The following EYS variants were observed in gnomAD, a reference collection of about 807,000 sequenced individuals.
EYS encodes the protein protein eyes shut homolog.
EYS carries 250 observed loss-of-function variants against 282.1 expected under a neutral mutation model. The observed-to-expected ratio is 0.89, with a 90% CI of 0.80 to 0.98. The LOEUF (loss-of-function observed/expected upper bound fraction) is 0.98, where lower values mean the gene tolerates loss of function less well. EYS is among the 50% of genes least tolerant of loss of function. The probability of loss-of-function intolerance (pLI) is 0.00; values close to 1 mark genes in which losing one functional copy is unlikely to be tolerated. For missense variants in EYS, 4,016 were observed against 3,709.0 expected (o/e 1.08, Z -2.15); for synonymous variants, 1,355 against 1,282.9 (o/e 1.06, Z -1.20).
intron 2 of EYS, among the ~76,000 whole-genome samples, chr6:65,561,237 G>A (rs562463428): frequency 2.6e-5 from 4 of 152,234 alleles, no homozygotes; most frequent in African/African-American, 7.2e-5. Context: ...AAAACTCCAT[G>A]TTGGATATTT....
intron 30 of EYS, among the ~76,000 whole-genome samples, chr6:64,265,410 C>T (rs1247830178): frequency 6.6e-6 from 1 of 152,078 alleles, no homozygotes; most frequent in Non-Finnish European, 1.5e-5. Context: ...TTGGTGAAAG[C>T]TGTATGAAAT....
Position 64,875,574 on chromosome 6 carries a change from A to G in EYS, c.2992+11123T>C, listed in dbSNP as rs115324653. 5.0e-3 allele frequency among the ~76,000 whole-genome samples: 761 copies of G among 152,162 alleles called. 1 individual carries two copies. Among genetic ancestry groups the G allele is most frequent in the Non-Finnish European group, 7.9e-3 (539 of 67,990 alleles). On this transcript the variant is annotated intron_variant, in intron 19 of 42. Coordinates refer to ENST00000503581, the MANE Select transcript of EYS (RefSeq NM_001142800.2). ...CCCTCTTGAGGGTCTTTTTCTATACATAGGAGCCATCCATGTATAGAAAGA... is the reference window on the plus strand; with the variant it reads ...CCCTCTTGAGGGTCTTTTTCTATACGTAGGAGCCATCCATGTATAGAAAGA...
At chr6:64,615,737 T>C (rs1266240884) in intron 24 of EYS, among the ~76,000 whole-genome samples, 1 of 152,108 alleles carries the variant, frequency 6.6e-6, no homozygotes, top group African/African-American at 2.4e-5. Context: ...ACACAAACAT[T>C]ATCTCTTGCT....
chr6:64,375,415 G>A (rs1772530337), intron 29 of EYS, among the ~76,000 whole-genome samples: 1 of 152,176 alleles, frequency 6.6e-6, no homozygotes, highest in Admixed American at 6.5e-5. Context: ...AAGAGCTTAA[G>A]GACAGTGTGA....
intron 8 of EYS, among the ~76,000 whole-genome samples, chr6:65,373,662 G>T (rs746123085): frequency 1.4e-3 from 217 of 151,990 alleles, no homozygotes; most frequent in Admixed American, 2.8e-3. Context: ...TTTTCAATAT[G>T]ATTAATAACC....
At chr6:63,740,358 C>T (rs1701773062) in intron 41 of EYS, among the ~76,000 whole-genome samples, 1 of 152,158 alleles carries the variant, frequency 6.6e-6, no homozygotes, top group Admixed American at 6.5e-5. Context: ...CCATGTAAGA[C>T]GTGACTTGCT....
At chr6:63,756,275 A>T (rs1032616292) in intron 41 of EYS, among the ~76,000 whole-genome samples, 5 of 152,300 alleles carry the variant, frequency 3.3e-5, no homozygotes, top group African/African-American at 7.2e-5. Context: ...TGTCATAAAT[A>T]GCTCTTATTA....
intron 22 of EYS, among the ~76,000 whole-genome samples, chr6:64,628,625 C>A (rs1469101548): frequency 6.6e-6 from 1 of 152,108 alleles, no homozygotes; most frequent in East Asian, 1.9e-4. Flanking sequence ...GTCCATTACA[C>A]AAAATGGGTC....
At chr6:65,189,196 GTAT>G (rs1021935567) in intron 12 of EYS, among the ~76,000 whole-genome samples, 1 of 151,522 alleles carries the variant, frequency 6.6e-6, no homozygotes, top group Non-Finnish European at 1.5e-5. Flanking sequence ...TTGCAATAAT[GTAT>G]TATATGTATT....
chr6:65,006,126 A>G (rs1016136107), intron 13 of EYS, among the ~76,000 whole-genome samples: 3 of 152,026 alleles, frequency 2.0e-5, no homozygotes, highest in African/African-American at 7.2e-5. Flanking sequence ...AGCTGTCTAC[A>G]TGGGCAGTTA....
In EYS at chr6:63,790,828, T is replaced by C. The variant is rs368958224; in HGVS notation, c.7412-1604A>G. Among the ~76,000 whole-genome samples the C allele has an allele frequency of 5.3e-5, 8 of 152,266 alleles. No homozygotes were observed. In the South Asian group the frequency reaches 1.2e-3, roughly 24 times the overall value. On this transcript the variant is annotated intron_variant, in intron 37 of 42. Transcript: ENST00000503581. ...TGAGAGATTCTGGAGGGGATCTGAATTGTCTTTCAAATTGTCCAGGTTATG... is the reference window on the plus strand; with the variant it reads ...TGAGAGATTCTGGAGGGGATCTGAACTGTCTTTCAAATTGTCCAGGTTATG...
chr6:65,190,557 C>T (rs750339992), intron 12 of EYS, among the ~76,000 whole-genome samples: 2 of 151,430 alleles, frequency 1.3e-5, no homozygotes, highest in African/African-American at 2.4e-5. Flanking sequence ...AAGTGTATAC[C>T]TTCAGATGTC....
chr6:64,176,499 TTGTG>T (rs111683045), intron 31 of EYS, among the ~76,000 whole-genome samples: 2,102 of 147,092 alleles, frequency 0.014, 38 homozygotes, highest in African/African-American at 0.045. Flanking sequence ...CATATCACGA[TTGTG>T]TGTGTGTGTG....
intron 33 of EYS, among the ~76,000 whole-genome samples, chr6:64,030,419 C>T (rs1391556355): frequency 6.6e-6 from 1 of 152,166 alleles, no homozygotes; most frequent in East Asian, 1.9e-4. Context: ...GAAATCTATT[C>T]TTACTTTACA....
intron 2 of EYS, among the ~76,000 whole-genome samples, chr6:65,511,364 TGTGAGAGAGA>T (rs1766862668): frequency 6.8e-6 from 1 of 146,298 alleles, no homozygotes; most frequent in Non-Finnish European, 1.5e-5. Context: ...TGTGTGTGTG[TGTGAGAGAGA>T]GAGAGAGAGA....
chr6:63,822,899 T>C (rs1217331985), intron 36 of EYS, among the ~76,000 whole-genome samples: 2 of 152,198 alleles, frequency 1.3e-5, no homozygotes, highest in Admixed American at 6.5e-5. Flanking sequence ...CTTTATTAAA[T>C]TTTAGTATTT....
chr6:65,512,492 C>CAAAAAAAAAA (rs71002313), intron 2 of EYS, among the ~76,000 whole-genome samples: 1 of 117,818 alleles, frequency 8.5e-6, no homozygotes, highest in Non-Finnish European at 1.8e-5. Context: ...GACTCTATCT[C>CAAAAAAAAAA]AAAAAAAAAA....
chr6:64,413,040 A>G (rs1773952753), intron 28 of EYS, among the ~76,000 whole-genome samples: 1 of 152,176 alleles, frequency 6.6e-6, no homozygotes, highest in African/African-American at 2.4e-5. Flanking sequence ...AAACTCCTAT[A>G]CAGGCTGCAA....
intron 32 of EYS, among the ~76,000 whole-genome samples, chr6:64,075,798 G>A (rs962575425): frequency 5.3e-5 from 8 of 151,906 alleles, no homozygotes; most frequent in Non-Finnish European, 1.2e-4. Context: ...CAGGTTATAT[G>A]TATCTCTCAT....
Sources: allele counts gnomAD v4.1 joint callset (sites outside exome capture counted in the v4.1 genomes callset), GRCh38; gene constraint gnomAD v4.1.1; transcripts MANE v1.5; gene names NCBI Gene and HGNC (gene_info 2026-07-23, HGNC 2026-07-21).